CHL1: variants seen among roughly 807,000 people sequenced by gnomAD.
The protein encoded by CHL1 is cell adhesion molecule L1 like, also known as neural cell adhesion molecule L1-like protein.
In CHL1, 96 loss-of-function variants were observed where a neutral mutation model predicts 141.9. The observed-to-expected ratio is 0.68, with a 90% CI of 0.57 to 0.80. The LOEUF is 0.80. Ranked by LOEUF, CHL1 falls within the 30% of genes least tolerant of loss-of-function variation. CHL1 has a pLI of 0.00. For synonymous variants in CHL1, 613 were observed against 502.2 expected (o/e 1.22, Z -2.95); for missense variants, 1,820 against 1,457.2 (o/e 1.25, Z -4.05).
At chr3:265,338 G>A (rs1378205056) in intron 2 of CHL1, among the ~76,000 whole-genome samples, 3 of 152,206 alleles carry the variant, frequency 2.0e-5, no homozygotes, top group Non-Finnish European at 2.9e-5. Context: ...TAAGTGCTTA[G>A]AGTGCACAGA....
chr3:304,249 G>C (rs544146692), intron 2 of CHL1, among the ~76,000 whole-genome samples: 7 of 152,300 alleles, frequency 4.6e-5, no homozygotes, highest in Admixed American at 3.3e-4. Flanking sequence ...GATGATGCTG[G>C]CCTCATAAAA....
intron 15 of CHL1, chr3:376,285 G>A (rs1055515117): frequency 4.4e-6 from 2 of 454,826 alleles, no homozygotes; most frequent in Non-Finnish European, 8.7e-6. Context: ...GTGACCCTAT[G>A]TGTGACAACT....
intron 6 of CHL1, 32 bp downstream of exon 6, chr3:340,948 G>A (rs770265095): frequency 1.3e-6 from 2 of 1,589,070 alleles, no homozygotes; most frequent in South Asian, 1.2e-5. Flanking sequence ...CAAAAAAGGG[G>A]GACATTTTAA....
chr3:340,522 T>G (rs1298089304), intron 5 of CHL1, among the ~76,000 whole-genome samples: 2 of 152,188 alleles, frequency 1.3e-5, no homozygotes, highest in Non-Finnish European at 2.9e-5. Flanking sequence ...CAGAGAAATA[T>G]GCACAAGTAT....
chr3:206,042 T>A (rs1457927977), intron 1 of CHL1, among the ~76,000 whole-genome samples: 1 of 152,228 alleles, frequency 6.6e-6, no homozygotes, highest in Non-Finnish European at 1.5e-5. Flanking sequence ...TAACACTCTT[T>A]CCTGTTGTCC....
chr3:248,311 A>G (rs1162862343), intron 2 of CHL1: 15 of 152,134 alleles, frequency 9.9e-5, no homozygotes, highest in Admixed American at 7.2e-4. Context: ...ATATTTCATT[A>G]TAATGCTACA....
intron 1 of CHL1, among the ~76,000 whole-genome samples, chr3:234,865 C>G (rs1376652566): frequency 1.3e-5 from 2 of 152,156 alleles, no homozygotes; most frequent in Admixed American, 6.6e-5. Flanking sequence ...GTACAATGCT[C>G]TGGGACAGAA....
intron 2 of CHL1, among the ~76,000 whole-genome samples, chr3:287,459 C>T (rs1370591424): frequency 6.6e-6 from 1 of 152,128 alleles, no homozygotes; most frequent in African/African-American, 2.4e-5. Context: ...GACACGCAAG[C>T]CATTTGATGT....
chr3:344,839 G>A (rs990081932), intron 9 of CHL1, 130 bp downstream of exon 9: 2 of 841,510 alleles, frequency 2.4e-6, no homozygotes, highest in Non-Finnish European at 3.6e-6. Context: ...AATTCTGCCG[G>A]GCACTGCAGA....
At chr3:318,318 G>T (rs1700296772) in intron 2 of CHL1, among the ~76,000 whole-genome samples, 2 of 151,780 alleles carry the variant, frequency 1.3e-5, no homozygotes, top group Non-Finnish European at 1.5e-5. Flanking sequence ...AGAATTTAAT[G>T]TAAGTTTAAA....
chr3:380,311 T>C (rs1706879500), intron 16 of CHL1, among the ~76,000 whole-genome samples: 1 of 152,204 alleles, frequency 6.6e-6, no homozygotes, highest in Admixed American at 6.5e-5. Context: ...TCAATGTAAA[T>C]TTCTAACAAT....
intron 10 of CHL1, among the ~76,000 whole-genome samples, chr3:350,479 T>A (rs1188948618): frequency 6.6e-6 from 1 of 152,314 alleles, no homozygotes; most frequent in East Asian, 1.9e-4. Flanking sequence ...TGAAAGGAAT[T>A]ATTCTTTTTA....
intron 8 of CHL1, among the ~76,000 whole-genome samples, chr3:343,857 A>G (rs764751913): frequency 1.3e-5 from 2 of 152,224 alleles, no homozygotes; most frequent in Non-Finnish European, 2.9e-5. Context: ...ATGAAAAATC[A>G]TTGCACATAG....
intron 9 of CHL1, among the ~76,000 whole-genome samples, chr3:347,768 A>C (rs1702887537): frequency 6.6e-6 from 1 of 152,298 alleles, no homozygotes. Context: ...TGTGCTCAGA[A>C]AGCCAGCAGC....
intron 2 of CHL1, among the ~76,000 whole-genome samples, chr3:286,092 G>A (rs1697111944): frequency 6.6e-6 from 1 of 152,028 alleles, no homozygotes; most frequent in South Asian, 2.1e-4. Context: ...CCAAGTTAGA[G>A]ATCCCCTTCC....
intron 15 of CHL1, among the ~76,000 whole-genome samples, chr3:373,292 C>A (rs946621850): frequency 1.1e-4 from 17 of 152,340 alleles, no homozygotes; most frequent in East Asian, 1.9e-4. Context: ...TGTCCCTGAG[C>A]CTCTGGCTGG....
At chr3:276,170 A>G (rs1412309855) in intron 2 of CHL1, among the ~76,000 whole-genome samples, 3 of 152,114 alleles carry the variant, frequency 2.0e-5, no homozygotes, top group Admixed American at 2.0e-4. Flanking sequence ...ACCTGTCTAA[A>G]ATGCTGTGAA....
At chr3:324,069 A>G (rs1221758607) in intron 3 of CHL1, among the ~76,000 whole-genome samples, 1 of 152,158 alleles carries the variant, frequency 6.6e-6, no homozygotes. Context: ...ATTGTTAGCT[A>G]TACCCCACAT....
At chr3:264,051 G>C (rs1282633257) in intron 2 of CHL1, among the ~76,000 whole-genome samples, 1 of 152,136 alleles carries the variant, frequency 6.6e-6, no homozygotes, top group Non-Finnish European at 1.5e-5. Context: ...TTTTTTGTTT[G>C]ACATTTCTTT....
Sources: allele counts gnomAD v4.1 joint callset (sites outside exome capture counted in the v4.1 genomes callset), GRCh38; gene constraint gnomAD v4.1.1; transcripts MANE v1.5; gene names NCBI Gene and HGNC (gene_info 2026-07-23, HGNC 2026-07-21).